AK5: variants seen among roughly 807,000 people sequenced by gnomAD.
The protein encoded by AK5 is adenylate kinase isoenzyme 5.
Under a neutral mutation model 69.5 loss-of-function variants are expected in AK5, and 27 were observed. The observed-to-expected ratio is 0.39, with a 90% CI of 0.29 to 0.54. The LOEUF is 0.54. Ranked by LOEUF, AK5 falls within the 20% of genes least tolerant of loss-of-function variation. The pLI is 0.71. For missense variants in AK5, 531 were observed against 700.4 expected (o/e 0.76, Z 2.73); for synonymous variants, 260 against 244.4 (o/e 1.06, Z -0.60).
intron 6 of AK5, among the ~76,000 whole-genome samples, chr1:77,383,084 C>T (rs1647762458): frequency 1.3e-5 from 2 of 152,092 alleles, no homozygotes; most frequent in Non-Finnish European, 2.9e-5. Flanking sequence ...TAAATGTCAG[C>T]AGAATGATTC....
intron 6 of AK5, among the ~76,000 whole-genome samples, chr1:77,374,623 T>C (rs2602941): frequency 1 from 151,368 of 152,076 alleles, 75,338 homozygotes; most frequent in Non-Finnish European, 1. Context: ...AGTGCGAGAC[T>C]AACCTGAGAA....
intron 3 of AK5, 122 bp downstream of exon 3, chr1:77,294,082 G>A: frequency 1.0e-5 from 8 of 797,902 alleles, no homozygotes; most frequent in Non-Finnish European, 1.4e-5. Flanking sequence ...AGAAACAAAA[G>A]CTCAAGGGAC....
intron 8 of AK5, among the ~76,000 whole-genome samples, chr1:77,428,902 C>T (rs1435392197): frequency 6.6e-6 from 1 of 152,156 alleles, no homozygotes; most frequent in Non-Finnish European, 1.5e-5. Flanking sequence ...TGGTTTCCAG[C>T]TTCATCCATG....
At chr1:77,419,546 C>T (rs1037579898) in intron 8 of AK5, among the ~76,000 whole-genome samples, 1 of 152,100 alleles carries the variant, frequency 6.6e-6, no homozygotes, top group Non-Finnish European at 1.5e-5. Flanking sequence ...TGTAGGCACA[C>T]ACAAAAATAT....
chr1:77,551,038 G>A (rs773834734), intron 13 of AK5, among the ~76,000 whole-genome samples: 6 of 152,116 alleles, frequency 3.9e-5, no homozygotes, highest in South Asian at 4.1e-4. Flanking sequence ...TTAGCTGGAC[G>A]TGGTGGCACA....
chr1:77,443,682 T>C (rs755666713), intron 8 of AK5, among the ~76,000 whole-genome samples: 9,014 of 142,298 alleles, frequency 0.063, 356 homozygotes, highest in Middle Eastern at 0.1. Context: ...GGAGTCTGTG[T>C]GTGTGTGTGT....
At chr1:77,530,024 T>C (rs1658492180) in intron 12 of AK5, among the ~76,000 whole-genome samples, 1 of 152,200 alleles carries the variant, frequency 6.6e-6, no homozygotes, top group Non-Finnish European at 1.5e-5. Flanking sequence ...TGACACTTCA[T>C]TGACAGAACC....
intron 2 of AK5, among the ~76,000 whole-genome samples, chr1:77,291,064 A>C (rs1222215155): frequency 3.3e-5 from 5 of 152,208 alleles, no homozygotes; most frequent in African/African-American, 9.7e-5. Flanking sequence ...TAGCTAGAGA[A>C]GGATGAAAGA....
chr1:77,510,791 A>G lies in AK5; in HGVS notation c.1148-7773A>G, dbSNP rs541547125. 1.7e-4 allele frequency among the ~76,000 whole-genome samples: 26 copies of G among 152,206 alleles called. No homozygotes were observed. In the South Asian group the frequency reaches 5.2e-3, roughly 30 times the overall value. ...ATTTCAGGCACTGTGTTTGTGCACC[A>G]TGACGAGCAAAGCAGACCCAGATCC... On this transcript the variant is annotated intron_variant, in intron 10 of 13. Coordinates refer to ENST00000354567, the MANE Select transcript of AK5 (RefSeq NM_174858.3).
At chr1:77,541,444 A>G (rs1399567766) in intron 13 of AK5, among the ~76,000 whole-genome samples, 1 of 152,236 alleles carries the variant, frequency 6.6e-6, no homozygotes, top group Non-Finnish European at 1.5e-5. Context: ...AAGAAAATGT[A>G]GAAAACTAGG....
intron 8 of AK5, among the ~76,000 whole-genome samples, chr1:77,425,688 A>G (rs990401818): frequency 2.0e-5 from 3 of 152,216 alleles, no homozygotes; most frequent in Non-Finnish European, 4.4e-5. Context: ...TAAAATAAAG[A>G]AATTTTTCTT....
At chr1:77,318,076 T>C (rs1260165645) in intron 5 of AK5, among the ~76,000 whole-genome samples, 3 of 152,214 alleles carry the variant, frequency 2.0e-5, no homozygotes, top group African/African-American at 7.2e-5. Flanking sequence ...CCCAATTGTA[T>C]TAGTTCATTC....
chr1:77,376,964 A>C (rs751456160), intron 6 of AK5, among the ~76,000 whole-genome samples: 19 of 152,184 alleles, frequency 1.2e-4, no homozygotes, highest in Non-Finnish European at 2.6e-4. Context: ...TTAATCATTA[A>C]GTCACACCAT....
intron 10 of AK5, among the ~76,000 whole-genome samples, chr1:77,494,976 G>A (rs983924992): frequency 2.8e-4 from 43 of 151,934 alleles, no homozygotes; most frequent in African/African-American, 1.0e-3. Flanking sequence ...TAGAGACGGG[G>A]TTTCACCATG....
intron 5 of AK5, among the ~76,000 whole-genome samples, chr1:77,306,829 C>T (rs1659669572): frequency 6.6e-6 from 1 of 151,876 alleles, no homozygotes; most frequent in African/African-American, 2.4e-5. Context: ...AAGTGGCATG[C>T]ATCTCAGAAT....
At position 77,524,709 on chromosome 1, in the gene AK5, G is replaced by A. The variant is rs529582569; in HGVS notation, c.1428+2766G>A. Among the ~76,000 whole-genome samples, 4 of 152,108 alleles carry A rather than the reference G, an allele frequency of 2.6e-5. No homozygotes were observed. In the East Asian group the frequency reaches 7.7e-4, roughly 29 times the overall value. On this transcript the variant is annotated intron_variant, in intron 12 of 13. Transcript: ENST00000354567. ...TGATAGGCTGTCTTTTCACTCTTTT[G>A]GTTGTGTCCTTTGATGCACAAAAGC...
At chr1:77,542,784 G>T (rs939183059) in intron 13 of AK5, among the ~76,000 whole-genome samples, 13 of 151,926 alleles carry the variant, frequency 8.6e-5, no homozygotes, top group East Asian at 3.8e-4. Flanking sequence ...GTACATTTTG[G>T]TTTTTTTCCA....
intron 12 of AK5, among the ~76,000 whole-genome samples, chr1:77,531,301 T>C (rs1315876510): frequency 6.6e-6 from 1 of 152,164 alleles, no homozygotes; most frequent in African/African-American, 2.4e-5. Flanking sequence ...GCTTCCACAG[T>C]GTGGACGGGG....
At chr1:77,419,747 A>G (rs1366153216) in intron 8 of AK5, among the ~76,000 whole-genome samples, 1 of 152,192 alleles carries the variant, frequency 6.6e-6, no homozygotes, top group Non-Finnish European at 1.5e-5. Context: ...GGAATTCCAG[A>G]AAGAGAGAAT....
Sources: gnomAD v4.1 joint callset for allele counts (sites outside exome capture counted in the v4.1 genomes callset) on GRCh38, gnomAD v4.1.1 for gene constraint, MANE v1.5 for transcripts, NCBI Gene and HGNC (gene_info 2026-07-23, HGNC 2026-07-21) for gene names.